Variants in ARSB observed in about 807,000 individuals in gnomAD.
The protein encoded by ARSB is arylsulfatase B.
ARSB carries 41 observed loss-of-function variants against 50.9 expected under a neutral mutation model. The observed-to-expected ratio is 0.81, with a 90% CI of 0.63 to 1.04. ARSB has a LOEUF of 1.04. Among genes scored for constraint, ARSB ranks in the 50% least tolerant of loss-of-function variants. ARSB has a pLI of 0.00. For synonymous variants in ARSB, 269 were observed against 284.8 expected, an observed-to-expected ratio of 0.94 and a Z score of 0.56; for missense variants, 672 against 693.3, an observed-to-expected ratio of 0.97 and a Z score of 0.35.
intron 6 of ARSB, among the ~76,000 whole-genome samples, chr5:78,794,716 A>G (rs1743118533): frequency 6.6e-6 from 1 of 152,170 alleles, no homozygotes; most frequent in South Asian, 2.1e-4. Flanking sequence ...CTGCTTGTCC[A>G]ACTTTTCCAA....
At chr5:78,924,886 G>A (rs4704537) in intron 4 of ARSB, among the ~76,000 whole-genome samples, 41,035 of 152,082 alleles carry the variant, frequency 0.27, 6,105 homozygotes, top group Non-Finnish European at 0.33. Context: ...TTTCCAAAAT[G>A]TGTCTCTTAC....
chr5:78,950,556 C>T (rs907515785), intron 4 of ARSB, among the ~76,000 whole-genome samples: 1 of 152,040 alleles, frequency 6.6e-6, no homozygotes, highest in African/African-American at 2.4e-5. Flanking sequence ...GAGGAATGTC[C>T]CCAAAAATAA....
chr5:78,980,576 T>A (rs1752856034), intron 1 of ARSB, among the ~76,000 whole-genome samples: 2 of 152,174 alleles, frequency 1.3e-5, no homozygotes, highest in Admixed American at 1.3e-4. Context: ...TTGCAAATGT[T>A]AAGTAAAAAC....
In ARSB at chr5:78,839,580, C is replaced by T. The variant is rs146598599; in HGVS notation, c.1143-154G>A. Among the ~76,000 whole-genome samples, 426 of 152,286 alleles carry T rather than the reference C, an allele frequency of 2.8e-3. 1 individual carries two copies. The highest frequency in any genetic ancestry group is 8.2e-3 in the African/African-American group (342 of 41,548). ...GAGGTCTCCACAATCACGGCTGGTGCATCTTCAAGCAGTCATCGTTTGTTT... is the reference window on the plus strand; with the variant it reads ...GAGGTCTCCACAATCACGGCTGGTGTATCTTCAAGCAGTCATCGTTTGTTT... On this transcript the variant is annotated intron_variant, in intron 5 of 7. Coordinates refer to ENST00000264914, the MANE Select transcript of ARSB (RefSeq NM_000046.5).
At chr5:78,892,256 T>C (rs1440873365) in intron 4 of ARSB, among the ~76,000 whole-genome samples, 2 of 137,384 alleles carry the variant, frequency 1.5e-5, no homozygotes, top group African/African-American at 5.7e-5. Context: ...TTCTTTTTTT[T>C]TTTTTTTTTT....
In ARSB at chr5:78,948,842, C is replaced by CTT. The variant is rs539250976; in HGVS notation, c.898+6451_898+6452dup. 7.2e-5 allele frequency among the ~76,000 whole-genome samples: 11 copies of CTT among 152,152 alleles called. No individual in the cohort carries two copies. The East Asian group carries it at 2.1e-3, about 29-fold the overall frequency. Reference sequence around the variant, plus strand: ...TTCCTAAAGTTTGAATAAGAGTTACCTTAGCTCAGAGGTTCTCAAATTTCT... The same window carrying CTT: ...TTCCTAAAGTTTGAATAAGAGTTACCTTTTAGCTCAGAGGTTCTCAAATTTCT... On this transcript the variant is annotated intron_variant, in intron 4 of 7. Transcript: ENST00000264914.
chr5:78,967,685 A>G (rs1294132254), intron 2 of ARSB, among the ~76,000 whole-genome samples: 1 of 152,062 alleles, frequency 6.6e-6, no homozygotes, highest in African/African-American at 2.4e-5. Flanking sequence ...AAAAAAAAAA[A>G]AAAAGAAATT....
chr5:78,966,575 C>T (rs74997030), intron 2 of ARSB, among the ~76,000 whole-genome samples: 5,171 of 152,248 alleles, frequency 0.034, 257 homozygotes, highest in African/African-American at 0.12. Context: ...GCTGTGTGGT[C>T]ATCATAACCT....
intron 6 of ARSB, among the ~76,000 whole-genome samples, chr5:78,809,662 G>A (rs187663830): frequency 1.2e-3 from 176 of 152,368 alleles, no homozygotes; most frequent in African/African-American, 4.1e-3. Flanking sequence ...CCTAACACTA[G>A]GCAGAGACGA....
chr5:78,795,593 TTC>T (rs1335307028), intron 6 of ARSB, among the ~76,000 whole-genome samples: 2 of 152,208 alleles, frequency 1.3e-5, no homozygotes, highest in African/African-American at 4.8e-5. Flanking sequence ...GCTGCAAGTT[TTC>T]TGTTAGACCC....
chr5:78,851,166 G>C (rs925776122), intron 5 of ARSB, among the ~76,000 whole-genome samples: 2 of 151,938 alleles, frequency 1.3e-5, no homozygotes, highest in Non-Finnish European at 2.9e-5. Context: ...TGTCAATTTT[G>C]GATCTTTCCT....
intron 5 of ARSB, among the ~76,000 whole-genome samples, chr5:78,849,913 C>T (rs201422424): frequency 0.1 from 14,248 of 140,010 alleles, 844 homozygotes; most frequent in Middle Eastern, 0.19. Context: ...ATTGATTTTG[C>T]ATCCTGAGAC....
intron 6 of ARSB, among the ~76,000 whole-genome samples, chr5:78,807,477 T>C (rs1470249035): frequency 1.3e-5 from 2 of 152,198 alleles, no homozygotes; most frequent in Non-Finnish European, 2.9e-5. Flanking sequence ...GGCAAGTGAT[T>C]CACCTCAACA....
chr5:78,869,938 G>A (rs1315350293), intron 5 of ARSB, among the ~76,000 whole-genome samples: 1 of 151,616 alleles, frequency 6.6e-6, no homozygotes, highest in Non-Finnish European at 1.5e-5. Context: ...AAGAAGAAAA[G>A]AGAGAAGAAT....
intron 4 of ARSB, among the ~76,000 whole-genome samples, chr5:78,893,167 C>T (rs1469282653): frequency 1.3e-5 from 2 of 152,154 alleles, no homozygotes; most frequent in African/African-American, 4.8e-5. Flanking sequence ...TTGCTTTTGC[C>T]TGCTGCCATG....
At chr5:78,855,762 G>T (rs529868157) in intron 5 of ARSB, among the ~76,000 whole-genome samples, 2 of 152,116 alleles carry the variant, frequency 1.3e-5, no homozygotes, top group Non-Finnish European at 2.9e-5. Context: ...AGGTATCCAC[G>T]GTGTTGATGG....
Position 78,985,005 on chromosome 5 carries a change from G to A in ARSB, c.244C>T (p.Leu82=). 1.3e-6 allele frequency: 2 copies of A among 1,539,456 alleles called. No individual in the cohort carries two copies. Among genetic ancestry groups the A allele is most frequent in the Non-Finnish European group, 1.7e-6 (2 of 1,146,254 alleles). Residue 82 remains leucine (L), a synonymous_variant, in exon 1 of 8, where the codon CTG becomes TTG. Transcript: ENST00000264914. Reference sequence around the variant, plus strand: ...AGCGGCTGCGTGTAGTAGTTGTCCAGGAGCACCCCGCCGGCCGCCAGCGCG... The same window carrying A: ...AGCGGCTGCGTGTAGTAGTTGTCCAAGAGCACCCCGCCGGCCGCCAGCGCG... ...LDALAAGGVL[L]DNYYTQPLCT... is the part of the protein sequence containing the mutation.
At chr5:78,878,820 T>TA (rs1452856676) in intron 5 of ARSB, among the ~76,000 whole-genome samples, 2 of 151,666 alleles carry the variant, frequency 1.3e-5, no homozygotes, top group African/African-American at 2.4e-5. Context: ...CCATTGATGA[T>TA]AAAAAAGAAA....
chr5:78,854,603 G>C (rs1176268624), intron 5 of ARSB, among the ~76,000 whole-genome samples: 1 of 151,880 alleles, frequency 6.6e-6, no homozygotes, highest in Non-Finnish European at 1.5e-5. Flanking sequence ...ATTGCAGTTT[G>C]GTGGTTTTCT....
Sources: gnomAD v4.1 joint callset for allele counts (sites outside exome capture counted in the v4.1 genomes callset) on GRCh38, gnomAD v4.1.1 for gene constraint, MANE v1.5 for transcripts, NCBI Gene and HGNC (gene_info 2026-07-23, HGNC 2026-07-21) for gene names.